MYH2: variants seen among roughly 807,000 people sequenced by gnomAD.
The protein encoded by MYH2 is myosin-2.
MYH2 carries 139 observed loss-of-function variants against 228.1 expected under a neutral mutation model. That is an observed-to-expected ratio of 0.61 (90% CI 0.53 to 0.70). MYH2 has a LOEUF of 0.70. Ranked by LOEUF, MYH2 falls within the 30% of genes least tolerant of loss-of-function variation. MYH2 has a pLI of 0.00. For synonymous variants in MYH2, 796 were observed against 871.1 expected (o/e 0.91, Z 1.52); for missense variants, 1,809 against 2,357.5 (o/e 0.77, Z 4.82).
chr17:10,529,407 G>A lies in MYH2; in HGVS notation c.3192C>T (p.Asp1064=). ...TTATGGATTCTTGGGCCAACTTCAA[G>A]TCACCCTCAAGTTTCCTCTTAGCCC... ...LERAKRKLEG[D]LKLAQESIMD... Residue 1064 remains aspartate (D), a synonymous_variant, in exon 25 of 40, where the codon GAC becomes GAT. Coordinates refer to ENST00000245503, the MANE Select transcript of MYH2 (RefSeq NM_017534.6). 6.2e-7 allele frequency: 1 copy of A among 1,614,138 alleles called. No individual in the cohort carries two copies. The highest frequency in any genetic ancestry group is 8.5e-7 in the Non-Finnish European group (1 of 1,180,026).
Position 10,543,125 on chromosome 17 carries a change from T to G in MYH2, c.778A>C (p.Lys260Gln). 1 of 1,612,514 alleles carries G rather than the reference T, an allele frequency of 6.2e-7. No individual in the cohort carries two copies. The highest frequency in any genetic ancestry group is 8.5e-7 in the Non-Finnish European group (1 of 1,179,000). The change falls in exon 9 of 40, where the codon AAA becomes CAA. Residue 260 changes from lysine (K) to glutamine (Q), a missense_variant. This residue lies in a region of MYH2 where 373 missense variants were observed against 620.4 expected (regional missense o/e 0.60). Coordinates refer to ENST00000245503, the MANE Select transcript of MYH2 (RefSeq NM_017534.6). Reference sequence around the variant, plus strand: ...GTTTCAATATCAGCAGATGCCAGTTTTCCAGTAGTGCCAAAGTGGATTCTG... The same window carrying G: ...GTTTCAATATCAGCAGATGCCAGTTGTCCAGTAGTGCCAAAGTGGATTCTG... The part of the protein sequence containing the change: ...FIRIHFGTTG[K>Q]LASADIETYL...
chr17:10,533,218 CTT>C, intron 21 of MYH2, 65 bp downstream of exon 21: 1 of 1,604,054 alleles, frequency 6.2e-7, no homozygotes, highest in East Asian at 2.2e-5. Context: ...TAAGCTGAGT[CTT>C]AACTGTAAGC....
Position 10,523,758 on chromosome 17 carries a change from C to T in MYH2, c.5301+1G>A. The T allele has an allele frequency of 6.2e-7, 1 of 1,614,246 alleles. No individual in the cohort carries two copies. The highest frequency in any genetic ancestry group is 1.1e-5 in the South Asian group (1 of 91,084). Reference sequence around the variant, plus strand: ...AGTGGACAAGTGTGCCTGCCACTCACATCAGTGATGGCCTTCTTGGCCTTT... The same window carrying T: ...AGTGGACAAGTGTGCCTGCCACTCATATCAGTGATGGCCTTCTTGGCCTTT... On this transcript the variant is annotated splice_donor_variant, in intron 36 of 39. Coordinates refer to ENST00000245503, the MANE Select transcript of MYH2 (RefSeq NM_017534.6). LOFTEE classifies it high-confidence loss of function.
intron 16 of MYH2, 75 bp from the exon 17 acceptor site, chr17:10,536,681 GT>G: frequency 7.3e-7 from 1 of 1,378,846 alleles, no homozygotes; most frequent in Non-Finnish European, 1.0e-6. Context: ...TGATTTCTGT[GT>G]TCATCGAGTG....
At chr17:10,542,184 G>A (rs2073565123) in intron 10 of MYH2, among the ~76,000 whole-genome samples, 1 of 152,160 alleles carries the variant, frequency 6.6e-6, no homozygotes, top group Non-Finnish European at 1.5e-5. Context: ...GGGGCAGGGA[G>A]AATCGCTTGA....
rs188819444 is a variant in MYH2 at position 10,522,841 on chromosome 17, G to A, written c.5673+249C>T. On this transcript the variant is annotated intron_variant, in intron 39 of 39. Coordinates refer to ENST00000245503, the MANE Select transcript of MYH2 (RefSeq NM_017534.6). ...TATTTTGTCATCACTTTACAACTCC[G>A]TCATACTGTGGCCGGAGAATATGGC... 5.9e-4 allele frequency among the ~76,000 whole-genome samples: 90 copies of A among 151,642 alleles called. 1 individual carries two copies. The highest frequency in any genetic ancestry group is 9.8e-4 in the Admixed American group (15 of 15,238).
chr17:10,521,666 A>G (rs1366193672), intron 39 of MYH2, among the ~76,000 whole-genome samples: 2 of 151,978 alleles, frequency 1.3e-5, no homozygotes, highest in African/African-American at 4.8e-5. Context: ...CATAAAATAT[A>G]TGTACCACAA....
At position 10,543,905 on chromosome 17, in the gene MYH2, T is replaced by C; in HGVS notation, c.645A>G (p.Ile215Met). 6.2e-7 allele frequency: 1 copy of C among 1,614,216 alleles called. No homozygotes were observed. Among genetic ancestry groups the C allele is most frequent in the Non-Finnish European group, 8.5e-7 (1 of 1,180,034 alleles). Residue 215 changes from isoleucine (I) to methionine (M), a missense_variant, in exon 7 of 40, where the codon ATA (isoleucine) becomes ATG (methionine). This residue lies in a region of MYH2 where 373 missense variants were observed against 620.4 expected (regional missense o/e 0.60). Coordinates refer to ENST00000245503, the MANE Select transcript of MYH2 (RefSeq NM_017534.6). ...KKKEEITSGK[I>M]QGTLEDQIIS... is the part of the protein sequence containing the mutation. Reference sequence around the variant, plus strand: ...TGACTGTGACAATCAGACTCACCTGTATTTTGCCAGAAGTAATTTCTTCCT... The same window carrying C: ...TGACTGTGACAATCAGACTCACCTGCATTTTGCCAGAAGTAATTTCTTCCT...
In MYH2 at chr17:10,537,145, C is replaced by A. The variant is rs1377020551; in HGVS notation, c.1897+88G>T. 8 of 1,558,808 alleles carry A rather than the reference C, an allele frequency of 5.1e-6. No individual in the cohort carries two copies. The highest frequency in any genetic ancestry group is 7.0e-6 in the Non-Finnish European group (8 of 1,134,834). ...AGGAACCAGGGGCTTGGTCTGCAAC[C>A]CTTCTGCCAGACCTAAGAGATCACT... On this transcript the variant is annotated intron_variant, in intron 16 of 39. Coordinates refer to ENST00000245503, the MANE Select transcript of MYH2 (RefSeq NM_017534.6). The surrounding 1 kb of genome is among the most constrained non-coding windows in gnomAD (Gnocchi z 4.0).
Position 10,547,888 on chromosome 17 carries a change from C to T in MYH2, c.33G>A (p.Gly11=). The T allele has an allele frequency of 6.2e-7, 1 of 1,614,178 alleles. No individual in the cohort carries two copies. The highest frequency in any genetic ancestry group is 8.5e-7 in the Non-Finnish European group (1 of 1,180,034). The change falls in exon 3 of 40, where the codon GGG becomes GGA. Residue 11 remains glycine, a synonymous_variant. Transcript: ENST00000245503. ...ACTTTCGGAGGAAAGGAGCAGCCTC[C>T]CCAAAAACAGCCAATTCTGAGTCTG... MSSDSELAVF[G]EAAPFLRKSE...
rs774428848 is a variant in MYH2 at position 10,527,868 on chromosome 17, G to C, written c.3751C>G (p.Leu1251Val). Reference protein sequence around the residue: ...VETVSKAKGNLEKMCRTLEDQ... With the variant: ...VETVSKAKGNVEKMCRTLEDQ... ...TCTAGAGTCCGGCACATTTTCTCTA[G>C]GTTTCCCTATAGAAGAAAAAGTAAA... is the stretch of plus-strand genomic sequence containing the variant. The change falls in exon 28 of 40, where the codon CTA becomes GTA. Residue 1251 changes from leucine (L) to valine (V), a missense_variant. This residue lies in a region of MYH2 where 636 missense variants were observed against 729.9 expected (regional missense o/e 0.87). Coordinates refer to ENST00000245503, the MANE Select transcript of MYH2 (RefSeq NM_017534.6). 49 of 1,613,170 alleles carry C rather than the reference G, an allele frequency of 3.0e-5. 1 individual carries two copies. In the East Asian group the frequency reaches 1.1e-3, roughly 36 times the overall value.
intron 39 of MYH2, among the ~76,000 whole-genome samples, chr17:10,522,513 T>C (rs2073296552): frequency 6.6e-6 from 1 of 152,102 alleles, no homozygotes; most frequent in Admixed American, 6.5e-5. Flanking sequence ...CACCAATTTC[T>C]ACTTTTATTT....
rs148572802 is a variant in MYH2 at position 10,537,151 on chromosome 17, G to T, written c.1897+82C>A. 2.5e-4 allele frequency: 393 copies of T among 1,573,104 alleles called. 5 individuals carry two copies. In the East Asian group the frequency reaches 8.7e-3, roughly 35 times the overall value. On this transcript the variant is annotated intron_variant, in intron 16 of 39. Transcript: ENST00000245503. The surrounding 1 kb of genome is among the most constrained non-coding windows in gnomAD (Gnocchi z 4.0). ...CAGGGGCTTGGTCTGCAACCCTTCTGCCAGACCTAAGAGATCACTAGCTTC... is the reference window on the plus strand; with the variant it reads ...CAGGGGCTTGGTCTGCAACCCTTCTTCCAGACCTAAGAGATCACTAGCTTC...
chr17:10,540,098 G>A (rs368297580), intron 11 of MYH2, 32 bp from the exon 12 acceptor site: 3 of 1,613,602 alleles, frequency 1.9e-6, no homozygotes, highest in Non-Finnish European at 2.5e-6. Flanking sequence ...TAGCTGTTAG[G>A]TTGTGATCCA....
At chr17:10,522,585 TG>T (rs1357651675) in intron 39 of MYH2, among the ~76,000 whole-genome samples, 1 of 151,620 alleles carries the variant, frequency 6.6e-6, no homozygotes, top group Non-Finnish European at 1.5e-5. Context: ...TTGGACTGTC[TG>T]TTTGTTTATT....
At chr17:10,526,883 G>A (rs2073362643) in intron 29 of MYH2, 55 bp downstream of exon 29, 3 of 1,612,738 alleles carry the variant, frequency 1.9e-6, no homozygotes, top group Non-Finnish European at 2.5e-6. Context: ...GGTATAACAG[G>A]CTCCATGTAG....
rs139130605 is a variant in MYH2 at position 10,529,050 on chromosome 17, G to T, written c.3384C>A (p.Ile1128=). 1 of 1,614,230 alleles carries T rather than the reference G, an allele frequency of 6.2e-7. No individual in the cohort carries two copies. The highest frequency in any genetic ancestry group is 8.5e-7 in the Non-Finnish European group (1 of 1,180,052). ...QARIEELEEE[I]EAERASRAKA... ...TGGCCCGGGAGGCCCGCTCTGCCTC[G>T]ATTTCCTCCTCCAGCTCCTCAATGC... is the stretch of plus-strand genomic sequence containing the variant. Residue 1128 remains isoleucine (I), a synonymous_variant, in exon 27 of 40, where the codon ATC becomes ATA. Coordinates refer to ENST00000245503, the MANE Select transcript of MYH2 (RefSeq NM_017534.6).
At position 10,537,324 on chromosome 17, in the gene MYH2, G is replaced by A. The variant is rs147705043; in HGVS notation, c.1806C>T (p.Asp602=). The A allele has an allele frequency of 7.4e-6, 12 of 1,614,068 alleles. No individual in the cohort carries two copies. The highest frequency in any genetic ancestry group is 1.0e-5 in the Non-Finnish European group (12 of 1,180,040). The change falls in exon 16 of 40, where the codon GAC becomes GAT. Residue 602 remains aspartate (D), a synonymous_variant. Transcript: ENST00000245503. The surrounding 1 kb of genome is among the most constrained non-coding windows in gnomAD (Gnocchi z 4.0). ...GTCCAACCACGGTCTCATTCAGGGGGTCCTTGTTCTTCTCCAGCCAGCCAG... is the reference window on the plus strand; with the variant it reads ...GTCCAACCACGGTCTCATTCAGGGGATCCTTGTTCTTCTCCAGCCAGCCAG... ...NITGWLEKNK[D]PLNETVVGLY...
rs774213421 is a variant in MYH2 at position 10,524,567 on chromosome 17, C to T, written c.5074G>A (p.Glu1692Lys). 6.2e-7 allele frequency: 1 copy of T among 1,614,210 alleles called. No individual in the cohort carries two copies. Among genetic ancestry groups the T allele is most frequent in the South Asian group, 1.1e-5 (1 of 91,088 alleles). Residue 1692 changes from glutamate (E) to lysine (K), a missense_variant, in exon 35 of 40, where the codon GAG becomes AAG. Coordinates refer to ENST00000245503, the MANE Select transcript of MYH2 (RefSeq NM_017534.6). The surrounding 1 kb of genome is among the most constrained non-coding windows in gnomAD (Gnocchi z 4.7). ...TGTTCCAGAGTGGCCCGCAGCTCCT[C>T]GATCTCAGCCTGCAGCAGGTTGGCT... The part of the protein sequence containing the change: ...RRANLLQAEI[E>K]ELRATLEQTE...
Sources: gnomAD v4.1 joint callset for allele counts (sites outside exome capture counted in the v4.1 genomes callset) on GRCh38, gnomAD v4.1.1 for gene constraint, gnomAD v4.1.1 regional missense constraint, Gnocchi (gnomAD v3.1) non-coding constraint, MANE v1.5 for transcripts, NCBI Gene and HGNC (gene_info 2026-07-23, HGNC 2026-07-21) for gene names.